The following VPS13A variants were observed in gnomAD, a reference collection of about 807,000 sequenced individuals.
VPS13A encodes the protein intermembrane lipid transfer protein VPS13A.
In VPS13A, 264 loss-of-function variants were observed where a neutral mutation model predicts 390.9. The ratio of observed to expected loss-of-function variants is 0.68; its 90% confidence interval spans 0.61 to 0.75. The LOEUF is 0.75. Among genes scored for constraint, VPS13A ranks in the 30% least tolerant of loss-of-function variants. VPS13A has a pLI of 0.00. For synonymous variants in VPS13A, 1,231 were observed against 1,227.1 expected (o/e 1.00, Z -0.07); for missense variants, 3,409 against 3,733.9 (o/e 0.91, Z 2.27).
chr9:77,338,392 T>G (rs759617106), intron 47 of VPS13A: 1 of 152,224 alleles, frequency 6.6e-6, no homozygotes, highest in Non-Finnish European at 1.5e-5. Flanking sequence ...TGTACTTTGC[T>G]GTCAGGTAGA....
At chr9:77,243,592 A>G (rs1238438542) in intron 19 of VPS13A, among the ~76,000 whole-genome samples, 2 of 152,196 alleles carry the variant, frequency 1.3e-5, no homozygotes, top group Non-Finnish European at 1.5e-5. Flanking sequence ...CTTTCAGAGT[A>G]CAAGGTTCTC....
intron 68 of VPS13A, 30 bp from the exon 69 acceptor site, chr9:77,403,206 T>C (rs757214376): frequency 6.5e-7 from 1 of 1,535,192 alleles, no homozygotes; most frequent in Admixed American, 1.7e-5. Context: ...ACTATCAATT[T>C]TCTCATTGTC....
intron 69 of VPS13A, 89 bp downstream of exon 69, chr9:77,403,410 C>A (rs1272469983): frequency 3.7e-6 from 4 of 1,071,206 alleles, no homozygotes; most frequent in African/African-American, 1.5e-5. Flanking sequence ...ACCTTTTGTT[C>A]CATATAGTCA....
At chr9:77,299,997 A>C (rs769184839) in intron 33 of VPS13A, among the ~76,000 whole-genome samples, 1 of 152,120 alleles carries the variant, frequency 6.6e-6, no homozygotes, top group African/African-American at 2.4e-5. Flanking sequence ...AATCTAGATG[A>C]CGGGTTGATG....
At chr9:77,304,128 A>G (rs936971516) in intron 34 of VPS13A, among the ~76,000 whole-genome samples, 1 of 151,938 alleles carries the variant, frequency 6.6e-6, no homozygotes, top group African/African-American at 2.4e-5. Flanking sequence ...GCGGCTTTCC[A>G]CAGTGCATTG....
At chr9:77,355,031 T>C (rs72746028) in intron 54 of VPS13A, among the ~76,000 whole-genome samples, 8,720 of 152,286 alleles carry the variant, frequency 0.057, 366 homozygotes, top group South Asian at 0.12. Flanking sequence ...ATTGTTTCAG[T>C]GTTACTTCTC....
intron 1 of VPS13A, among the ~76,000 whole-genome samples, chr9:77,188,163 A>G (rs1485161936): frequency 2.0e-5 from 3 of 152,116 alleles, no homozygotes; most frequent in African/African-American, 2.4e-5. Context: ...GCCTTCTGCC[A>G]TGATTGAAAG....
Position 77,238,047 on chromosome 9 carries a change from TA to T in VPS13A, c.1643del (p.Asn548IlefsTer24). On this transcript the variant is annotated frameshift_variant, in exon 18 of 72. Transcript: ENST00000360280. LOFTEE classifies it high-confidence loss of function. ...DSFHITGLPD[N>X]SEKPRLLSSL... is the part of the protein sequence containing the mutation. ...CATTTCATATTACTGGCTTACCAGA[TA>T]ATTCAGAAAAACCCCGCCTCCTGTC... 1 of 1,613,496 alleles carries T rather than the reference TA, an allele frequency of 6.2e-7. No individual in the cohort carries two copies. The highest frequency in any genetic ancestry group is 8.5e-7 in the Non-Finnish European group (1 of 1,179,584).
Position 77,403,325 on chromosome 9 carries a change from ACTTG to A in VPS13A, c.9275+8_9275+11del. 6.2e-7 allele frequency: 1 copy of A among 1,608,586 alleles called. No homozygotes were observed. The highest frequency in any genetic ancestry group is 8.5e-7 in the Non-Finnish European group (1 of 1,177,418). On this transcript the variant is annotated splice_donor_5th_base_variant and intron_variant, in intron 69 of 71. Coordinates refer to ENST00000360280, the MANE Select transcript of VPS13A (RefSeq NM_033305.3). ...ATATGCTAATGATAACCAGACGGTAACTTGCTTTCTTTCTCTTACGTAATTTTAT... is the reference window on the plus strand; with the variant it reads ...ATATGCTAATGATAACCAGACGGTAACTTTCTTTCTCTTACGTAATTTTAT...
At chr9:77,331,623 A>G (rs1830279779) in intron 45 of VPS13A, among the ~76,000 whole-genome samples, 1 of 151,790 alleles carries the variant, frequency 6.6e-6, no homozygotes. Flanking sequence ...TATTACAGAT[A>G]TTTCCCAGCC....
intron 1 of VPS13A, among the ~76,000 whole-genome samples, chr9:77,181,740 A>G (rs777097711): frequency 2.6e-5 from 4 of 152,186 alleles, no homozygotes; most frequent in Non-Finnish European, 4.4e-5. Context: ...TGTTGCTGAG[A>G]TGGATTCTTT....
chr9:77,293,296 T>C lies in VPS13A; in HGVS notation c.3340-45T>C, dbSNP rs1041182708. The C allele has an allele frequency of 9.9e-6, 15 of 1,514,006 alleles. No homozygotes were observed. In the East Asian group the frequency reaches 3.4e-4, roughly 34 times the overall value. 93.8% of individuals were successfully genotyped at this position (1,514,006 alleles called of 1,614,324 possible). ...GTTTTATTTTTGTACTGAAAATACATCATTTCAAAAATGGATTGTGATAAT... is the reference window on the plus strand; with the variant it reads ...GTTTTATTTTTGTACTGAAAATACACCATTTCAAAAATGGATTGTGATAAT... On this transcript the variant is annotated intron_variant, in intron 31 of 71. Transcript: ENST00000360280.
intron 27 of VPS13A, among the ~76,000 whole-genome samples, 164 bp from the exon 28 acceptor site, chr9:77,281,703 T>A (rs1007540773): frequency 6.6e-6 from 1 of 151,574 alleles, no homozygotes; most frequent in Non-Finnish European, 1.5e-5. Context: ...GGTGAAGCGG[T>A]TGCTTATTTA....
chr9:77,213,898 G>C (rs575014565), intron 9 of VPS13A, among the ~76,000 whole-genome samples: 1 of 152,058 alleles, frequency 6.6e-6, no homozygotes, highest in Non-Finnish European at 1.5e-5. Flanking sequence ...CCATAGCTAA[G>C]TTCTAAGTTT....
intron 3 of VPS13A, among the ~76,000 whole-genome samples, chr9:77,204,394 A>G (rs1014251568): frequency 2.0e-5 from 3 of 152,178 alleles, no homozygotes; most frequent in African/African-American, 7.2e-5. Context: ...GCTTAAAAAA[A>G]AAATTCTTTG....
intron 1 of VPS13A, among the ~76,000 whole-genome samples, chr9:77,185,664 A>T (rs996993993): frequency 3.9e-4 from 60 of 152,152 alleles, no homozygotes; most frequent in Non-Finnish European, 7.4e-4. Flanking sequence ...TTCCTTTTTA[A>T]ACAGTCTTCC....
intron 67 of VPS13A, among the ~76,000 whole-genome samples, chr9:77,372,786 G>A (rs1832853018): frequency 1.3e-5 from 2 of 152,324 alleles, no homozygotes; most frequent in South Asian, 4.1e-4. Flanking sequence ...CTTCAGCAAA[G>A]TCTTAGGATA....
At chr9:77,180,715 C>T (rs945693074) in intron 1 of VPS13A, among the ~76,000 whole-genome samples, 34 of 152,180 alleles carry the variant, frequency 2.2e-4, no homozygotes, top group African/African-American at 7.9e-4. Context: ...ATTATCTTTG[C>T]ATTTCGTAAA....
chr9:77,336,119 C>T (rs1326247839), intron 46 of VPS13A, among the ~76,000 whole-genome samples: 1 of 152,050 alleles, frequency 6.6e-6, no homozygotes, highest in East Asian at 1.9e-4. Flanking sequence ...AACCAAACAC[C>T]GCATGTTCTC....
Sources: gnomAD v4.1 joint callset for allele counts (sites outside exome capture counted in the v4.1 genomes callset) on GRCh38, gnomAD v4.1.1 for gene constraint, MANE v1.5 for transcripts, NCBI Gene and HGNC (gene_info 2026-07-23, HGNC 2026-07-21) for gene names.